Variants in SHQ1 observed in about 807,000 individuals in gnomAD.
SHQ1 encodes SHQ1, H/ACA ribonucleoprotein assembly factor, also known as protein SHQ1 homolog.
In SHQ1, 49 loss-of-function variants were observed where a neutral mutation model predicts 53.8. The ratio of observed to expected loss-of-function variants is 0.91; its 90% CI spans 0.72 to 1.16. The LOEUF is 1.16. SHQ1 is among the 50% of genes most tolerant of loss of function. The pLI is 0.00. For missense variants in SHQ1, 738 were observed against 683.1 expected (o/e 1.08, Z -0.90); for synonymous variants, 243 against 251.0 (o/e 0.97, Z 0.30).
At chr3:72,775,953 TTAAAGA>T (rs1705950808) in intron 10 of SHQ1, among the ~76,000 whole-genome samples, 1 of 152,204 alleles carries the variant, frequency 6.6e-6, no homozygotes, top group African/African-American at 2.4e-5. Context: ...AAGCATTTTC[TTAAAGA>T]TAAAGAATAA....
chr3:72,783,512 T>C (rs1706135105), intron 10 of SHQ1, among the ~76,000 whole-genome samples: 1 of 151,904 alleles, frequency 6.6e-6, no homozygotes, highest in Non-Finnish European at 1.5e-5. Context: ...CACGGTCTCA[T>C]TATGGTGCCC....
At chr3:72,778,048 AAAAGT>A (rs548694577) in intron 10 of SHQ1, among the ~76,000 whole-genome samples, 9 of 152,354 alleles carry the variant, frequency 5.9e-5, no homozygotes, top group African/African-American at 2.2e-4. Flanking sequence ...AACTATATGG[AAAAGT>A]AAAGTAATGA....
rs746829352 is a variant in SHQ1, at chr3:72,812,728, G to A, written c.1003C>T (p.Arg335Cys). Residue 335 changes from arginine (R) to cysteine (C), a missense_variant, in exon 9 of 11, where the codon CGC becomes TGC. Transcript: ENST00000325599. ...GRRVLCYPLY[R>C]HFKLVMKAYR... is the part of the protein sequence containing the mutation. ...GCCTTCATCACCAGCTTGAAATGGC[G>A]ATAGAGTGGGTAACACAACACCCTT... is the stretch of plus-strand genomic sequence containing the variant. The A allele has an allele frequency of 2.4e-5, 38 of 1,613,896 alleles. No homozygotes were observed. The highest frequency in any genetic ancestry group is 1.5e-4 in the Admixed American group (9 of 59,998).
chr3:72,804,759 G>A (rs1706889130), intron 9 of SHQ1, among the ~76,000 whole-genome samples: 1 of 152,170 alleles, frequency 6.6e-6, no homozygotes, highest in African/African-American at 2.4e-5. Flanking sequence ...GGAGGCTGAG[G>A]CAGGAGGATA....
the SHQ1 span, among the ~76,000 whole-genome samples, chr3:72,742,613 T>C: frequency 7.5e-6 from 1 of 134,018 alleles, no homozygotes; most frequent in African/African-American, 3.1e-5. Flanking sequence ...TTTTTTTTCT[T>C]TTTTTCTTTT....
At chr3:72,757,946 C>A (rs564699484) in intron 10 of SHQ1, among the ~76,000 whole-genome samples, 3 of 152,172 alleles carry the variant, frequency 2.0e-5, no homozygotes, top group Admixed American at 2.0e-4. Context: ...ACCTATATAA[C>A]AAACCTGCAC....
chr3:72,786,170 C>T (rs1240949688), intron 10 of SHQ1, among the ~76,000 whole-genome samples: 1 of 152,172 alleles, frequency 6.6e-6, no homozygotes, highest in African/African-American at 2.4e-5. Context: ...TCTCCTTCCC[C>T]ATTCTCACTC....
At chr3:72,725,695 A>G in the SHQ1 span, among the ~76,000 whole-genome samples, 1 of 152,202 alleles carries the variant, frequency 6.6e-6, no homozygotes, top group Non-Finnish European at 1.5e-5. Context: ...TGCCTGGGAC[A>G]CCGGAGGTAC....
At chr3:72,798,438 CG>C (rs1706692437) in intron 9 of SHQ1, among the ~76,000 whole-genome samples, 1 of 152,054 alleles carries the variant, frequency 6.6e-6, no homozygotes, top group African/African-American at 2.4e-5. Context: ...TGTTTTACTT[CG>C]GGGAAAGACT....
intron 4 of SHQ1, among the ~76,000 whole-genome samples, chr3:72,832,754 A>G (rs1215190137): frequency 6.6e-6 from 1 of 152,196 alleles, no homozygotes; most frequent in African/African-American, 2.4e-5. Context: ...TAACATAAAA[A>G]ACAGAATGGA....
chr3:72,836,282 G>T (rs1230850791), intron 4 of SHQ1, among the ~76,000 whole-genome samples: 2 of 152,316 alleles, frequency 1.3e-5, no homozygotes, highest in East Asian at 1.9e-4. Flanking sequence ...CAGGTCAGGA[G>T]ATAGAGATCA....
At chr3:72,831,414 T>C (rs1054404320) in intron 5 of SHQ1, among the ~76,000 whole-genome samples, 2 of 152,242 alleles carry the variant, frequency 1.3e-5, no homozygotes, top group African/African-American at 4.8e-5. Flanking sequence ...TTTTCAAGTC[T>C]TGGCCAAGCC....
At chr3:72,806,263 A>C (rs1038798858) in intron 9 of SHQ1, among the ~76,000 whole-genome samples, 13 of 152,206 alleles carry the variant, frequency 8.5e-5, no homozygotes, top group African/African-American at 3.1e-4. Flanking sequence ...CATGATTTCC[A>C]GGAGTTAACT....
chr3:72,825,359 G>T (rs1707618080), intron 5 of SHQ1, among the ~76,000 whole-genome samples: 1 of 122,158 alleles, frequency 8.2e-6, no homozygotes, highest in African/African-American at 4.3e-5. Flanking sequence ...GCTAAAAGGG[G>T]CTACACACAC....
chr3:72,758,575 T>C (rs995709785), intron 10 of SHQ1, among the ~76,000 whole-genome samples: 4 of 147,502 alleles, frequency 2.7e-5, no homozygotes, highest in South Asian at 2.1e-4. Flanking sequence ...TTCTTTTTTT[T>C]TTTTTTTTTT....
rs141314402 is a variant in SHQ1, at chr3:72,835,383, CCT to C, written c.487-2904_487-2903del. Among the ~76,000 whole-genome samples, 294 of 152,256 alleles carry C rather than the reference CCT, an allele frequency of 1.9e-3. 2 individuals carry two copies. Among genetic ancestry groups the C allele is most frequent in the African/African-American group, 6.6e-3 (276 of 41,540 alleles). On this transcript the variant is annotated intron_variant, in intron 4 of 10. Coordinates refer to ENST00000325599, the MANE Select transcript of SHQ1 (RefSeq NM_018130.3). ...CTGTCTCCCTCTTCCACTGCTGCTC[CCT>C]GTTACTCACTGGCAAACTTCCTACT...
chr3:72,725,349 A>G, the SHQ1 span, among the ~76,000 whole-genome samples: 1 of 152,124 alleles, frequency 6.6e-6, no homozygotes, highest in Non-Finnish European at 1.5e-5. Flanking sequence ...CCAGCATGGC[A>G]GCCTCCTTGC....
chr3:72,750,293 T>C lies in SHQ1; in HGVS notation c.1725A>G (p.Pro575=). 1.2e-6 allele frequency: 2 copies of C among 1,604,022 alleles called. No homozygotes were observed. The highest frequency in any genetic ancestry group is 1.7e-5 in the Admixed American group (1 of 58,030). ...TAAAACCACCTAAGAGTCAATTATT[T>C]GGTGTCTGACAGCCGTCTCTCTCCT... ...NIQERDGCQT[P]NN Residue 575 remains proline (P), a synonymous_variant, in exon 11 of 11, where the codon CCA becomes CCG. Transcript: ENST00000325599.
At chr3:72,746,647 C>T (rs1043110775), downstream of SHQ1, among the ~76,000 whole-genome samples, 3 of 152,120 alleles carry the variant, frequency 2.0e-5, no homozygotes, top group Admixed American at 6.5e-5. Flanking sequence ...TGAGGATGTC[C>T]GGGAAGGATC....
Sources: allele counts gnomAD v4.1 joint callset (sites outside exome capture counted in the v4.1 genomes callset), GRCh38; gene constraint gnomAD v4.1.1; transcripts MANE v1.5; gene names NCBI Gene and HGNC (gene_info 2026-07-23, HGNC 2026-07-21).